The following MAN1A2 variants were observed in gnomAD, a reference collection of about 807,000 sequenced individuals.
MAN1A2 encodes mannosidase alpha class 1A member 2.
MAN1A2 carries 26 observed loss-of-function variants against 75.7 expected under a neutral mutation model. The ratio of observed to expected loss-of-function variants is 0.34; its 90% CI spans 0.25 to 0.48. MAN1A2 has a LOEUF of 0.48. Among genes scored for constraint, MAN1A2 ranks in the 20% least tolerant of loss-of-function variants. MAN1A2 has a pLI of 0.99. For missense variants in MAN1A2, 562 were observed against 775.5 expected, an observed-to-expected ratio of 0.72 and a Z score of 3.27; for synonymous variants, 247 against 264.6, an observed-to-expected ratio of 0.93 and a Z score of 0.65.
intron 11 of MAN1A2, 121 bp downstream of exon 11, chr1:117,499,675 T>C (rs533708991): frequency 1.8e-6 from 1 of 553,478 alleles, no homozygotes; most frequent in South Asian, 7.5e-5. Flanking sequence ...TTTATTTATC[T>C]GATGAAGAAA....
At chr1:117,437,541 G>A (rs1648884700) in intron 5 of MAN1A2, among the ~76,000 whole-genome samples, 1 of 152,168 alleles carries the variant, frequency 6.6e-6, no homozygotes, top group African/African-American at 2.4e-5. Flanking sequence ...AATGCAAGGT[G>A]TAGGAGTGTG....
intron 12 of MAN1A2, among the ~76,000 whole-genome samples, chr1:117,503,823 A>G (rs999967645): frequency 6.6e-6 from 1 of 151,468 alleles, no homozygotes; most frequent in East Asian, 1.9e-4. Flanking sequence ...CTCATATATT[A>G]CAATTAAAAT....
At chr1:117,501,151 C>T (rs1651189715) in intron 11 of MAN1A2, among the ~76,000 whole-genome samples, 1 of 151,690 alleles carries the variant, frequency 6.6e-6, no homozygotes, top group South Asian at 2.1e-4. Flanking sequence ...AGAGGTGTGA[C>T]AGGGTCAAAC....
At chr1:117,476,185 A>G (rs1650307327) in intron 8 of MAN1A2, among the ~76,000 whole-genome samples, 1 of 152,078 alleles carries the variant, frequency 6.6e-6, no homozygotes, top group African/African-American at 2.4e-5. Flanking sequence ...GTCTGTTCAT[A>G]TCCTTCGTCC....
chr1:117,522,804 T>A (rs1018306100), intron 12 of MAN1A2, 21 bp from the exon 13 acceptor site: 2 of 1,607,300 alleles, frequency 1.2e-6, no homozygotes, highest in Non-Finnish European at 1.7e-6. Flanking sequence ...TGAAGCTCAT[T>A]TCTCCCCTTT....
chr1:117,448,935 A>G (rs979576567), intron 6 of MAN1A2, among the ~76,000 whole-genome samples: 4 of 151,870 alleles, frequency 2.6e-5, no homozygotes, highest in African/African-American at 7.3e-5. Context: ...TATCGGGGCT[A>G]TTTTTCCAAC....
Position 117,368,012 on chromosome 1 carries a change from G to C in MAN1A2, c.-172G>C. On this transcript the variant is annotated 5_prime_UTR_variant, in exon 1 of 13. Coordinates refer to ENST00000356554, the MANE Select transcript of MAN1A2 (RefSeq NM_006699.5). Reference sequence around the variant, plus strand: ...TGGGGGAGGTCACACACGTTTCTGAGTGGGAATGGATGGGCGTGAATGACG... The same window carrying C: ...TGGGGGAGGTCACACACGTTTCTGACTGGGAATGGATGGGCGTGAATGACG... 1.6e-6 allele frequency: 1 copy of C among 615,908 alleles called. No homozygotes were observed. The highest frequency in any genetic ancestry group is 2.8e-5 in the East Asian group (1 of 36,340). The allele number at this position is 615,908 out of a possible 1,614,324, so 38.2% of individuals were successfully genotyped here.
chr1:117,524,870 C>T lies in MAN1A2; in HGVS notation c.*1913C>T. Reference sequence around the variant, plus strand: ...CTAAATGAGAAAGGTATATATATTACTGTAACTGTAGAAGGGAAAAGGGAA... The same window carrying T: ...CTAAATGAGAAAGGTATATATATTATTGTAACTGTAGAAGGGAAAAGGGAA... On this transcript the variant is annotated 3_prime_UTR_variant, in exon 13 of 13. Transcript: ENST00000356554. The T allele has an allele frequency of 6.5e-6, 2 of 305,836 alleles. No individual in the cohort carries two copies. The highest frequency in any genetic ancestry group is 1.5e-4 in the East Asian group (2 of 13,238). The allele number at this position is 305,836 out of a possible 1,614,324, so 18.9% of individuals were successfully genotyped here. A position where few individuals can be genotyped will look rare whatever the true frequency, so the allele number is the denominator to read the frequency against.
In MAN1A2 at chr1:117,483,764, A is replaced by G. The variant is rs137873487; in HGVS notation, c.1169-9383A>G. On this transcript the variant is annotated intron_variant, in intron 8 of 12. Coordinates refer to ENST00000356554, the MANE Select transcript of MAN1A2 (RefSeq NM_006699.5). ...CTGATTGCCCTGGCCAGAACTTCCA[A>G]CACTATGTTGAATAGGAGTGGTGAG... Among the ~76,000 whole-genome samples the G allele has an allele frequency of 5.8e-3, 880 of 152,102 alleles. 5 individuals are homozygous for G. Among genetic ancestry groups the G allele is most frequent in the African/African-American group, 0.02 (842 of 41,514 alleles).
intron 6 of MAN1A2, among the ~76,000 whole-genome samples, chr1:117,452,262 G>A (rs1649443943): frequency 6.6e-6 from 1 of 151,524 alleles, no homozygotes; most frequent in Admixed American, 6.6e-5. Flanking sequence ...AGCTAAGATT[G>A]CGCCACTGCA....
chr1:117,431,003 C>T (rs1191745079), intron 5 of MAN1A2, among the ~76,000 whole-genome samples: 1 of 133,716 alleles, frequency 7.5e-6, no homozygotes, highest in Non-Finnish European at 1.6e-5. Context: ...CGGTTAGGGG[C>T]TGGAGACCGG....
At position 117,469,383 on chromosome 1, in the gene MAN1A2, C is replaced by T. The variant is rs185868950; in HGVS notation, c.1168+2956C>T. On this transcript the variant is annotated intron_variant, in intron 8 of 12. Coordinates refer to ENST00000356554, the MANE Select transcript of MAN1A2 (RefSeq NM_006699.5). ...AGAAGAAAACATAGGGGAAAATCTTCGTGACCTTTGATTTGACACTGGATT... is the reference window on the plus strand; with the variant it reads ...AGAAGAAAACATAGGGGAAAATCTTTGTGACCTTTGATTTGACACTGGATT... 3.0e-4 allele frequency among the ~76,000 whole-genome samples: 45 copies of T among 152,082 alleles called. No homozygotes were observed. In the East Asian group the frequency reaches 5.4e-3, roughly 18 times the overall value.
At chr1:117,368,710 C>T (rs1191819751) in intron 1 of MAN1A2, among the ~76,000 whole-genome samples, 1 of 152,026 alleles carries the variant, frequency 6.6e-6, no homozygotes, top group Non-Finnish European at 1.5e-5. Flanking sequence ...CTACCTAAGT[C>T]GTTCTTCTCT....
chr1:117,484,530 C>G (rs1260692421), intron 8 of MAN1A2, among the ~76,000 whole-genome samples: 1 of 151,940 alleles, frequency 6.6e-6, no homozygotes, highest in Non-Finnish European at 1.5e-5. Flanking sequence ...TCGCTTTTTA[C>G]TGCAATATGC....
At chr1:117,411,328 A>T (rs1647810977) in intron 3 of MAN1A2, among the ~76,000 whole-genome samples, 1 of 151,820 alleles carries the variant, frequency 6.6e-6, no homozygotes, top group Non-Finnish European at 1.5e-5. Flanking sequence ...AGGTTCAGTG[A>T]TTAAAAGGAT....
intron 6 of MAN1A2, among the ~76,000 whole-genome samples, chr1:117,452,546 A>G (rs934693250): frequency 1.3e-5 from 2 of 152,344 alleles, no homozygotes; most frequent in Middle Eastern, 3.4e-3. Context: ...TGGTCTGTAT[A>G]GAAGATGAAA....
At chr1:117,375,066 G>A (rs1380710352) in intron 1 of MAN1A2, among the ~76,000 whole-genome samples, 1 of 152,088 alleles carries the variant, frequency 6.6e-6, no homozygotes, top group East Asian at 1.9e-4. Flanking sequence ...TGATATGCCA[G>A]CCTGAATGTA....
intron 2 of MAN1A2, among the ~76,000 whole-genome samples, chr1:117,405,093 G>A (rs1012635179): frequency 6.6e-6 from 1 of 152,072 alleles, no homozygotes; most frequent in Non-Finnish European, 1.5e-5. Context: ...ACACAACCAT[G>A]TCCATTTACT....
chr1:117,409,748 T>C lies in MAN1A2; in HGVS notation c.655+4103T>C, dbSNP rs1024914673. Among the ~76,000 whole-genome samples, 2 of 152,078 alleles carry C rather than the reference T, an allele frequency of 1.3e-5. 1 individual carries two copies. Among genetic ancestry groups the C allele is most frequent in the South Asian group, 4.1e-4 (2 of 4,830 alleles). ...ATTTGAGGTACTCTTGTCAGGTGTT[T>C]GTCCATTAAGGATGATGTATTCTTA... is the stretch of plus-strand genomic sequence containing the variant. On this transcript the variant is annotated intron_variant, in intron 3 of 12. Coordinates refer to ENST00000356554, the MANE Select transcript of MAN1A2 (RefSeq NM_006699.5).
Sources: gnomAD v4.1 joint callset for allele counts (sites outside exome capture counted in the v4.1 genomes callset) on GRCh38, gnomAD v4.1.1 for gene constraint, MANE v1.5 for transcripts, NCBI Gene and HGNC (gene_info 2026-07-23, HGNC 2026-07-21) for gene names.